The following CLCA1 variants were observed in gnomAD, a reference collection of about 807,000 sequenced individuals.
CLCA1 encodes the protein calcium-activated chloride channel regulator 1.
Under a neutral mutation model 85.6 loss-of-function variants are expected in CLCA1, and 59 were observed. The ratio of observed to expected loss-of-function variants is 0.69; its 90% CI spans 0.56 to 0.86. The LOEUF is 0.86. CLCA1 is among the 40% of genes least tolerant of loss of function. CLCA1 has a pLI of 0.00. For missense variants in CLCA1, 1,022 were observed against 1,101.4 expected (o/e 0.93, Z 1.02); for synonymous variants, 396 against 398.3 (o/e 0.99, Z 0.07).
Position 86,485,558 on chromosome 1 carries a change from G to C in CLCA1, c.951G>C (p.Met317Ile), listed in dbSNP as rs375816012. The C allele has an allele frequency of 1.9e-6, 3 of 1,613,896 alleles. No homozygotes were observed. Among genetic ancestry groups the C allele is most frequent in the Non-Finnish European group, 2.5e-6 (3 of 1,179,808 alleles). The change falls in exon 6 of 14, where the codon ATG (methionine) becomes ATC (isoleucine). Residue 317 changes from methionine to isoleucine, a missense_variant. Physicochemically the swap from Met to Ile is conservative, Grantham distance 10. Transcript: ENST00000394711. ...VCLVLDKSGS[M>I]ATGNRLNRLN... ...TAGTCCTTGACAAATCTGGAAGCAT[G>C]GCGGTATGTTCAATGAGTCTTGGTC... is the stretch of plus-strand genomic sequence containing the variant.
At chr1:86,491,406 C>A in intron 9 of CLCA1, 35 bp downstream of exon 9, 2 of 1,415,292 alleles carry the variant, frequency 1.4e-6, no homozygotes, top group Non-Finnish European at 2.0e-6. Flanking sequence ...TTCATATTTA[C>A]ACATAATCAT....
Position 86,500,099 on chromosome 1 carries a change from A to G in CLCA1, c.*54A>G. 1 of 1,298,354 alleles carries G rather than the reference A, an allele frequency of 7.7e-7. No individual in the cohort carries two copies. The highest frequency in any genetic ancestry group is 1.1e-6 in the Non-Finnish European group (1 of 934,934). 80.4% of individuals were successfully genotyped at this position (1,298,354 alleles called of 1,614,324 possible). ...AAATCATTCATCCTTTTTTTTGATT[A>G]TAAAATTTTCTAAAATGTATTTTAG... On this transcript the variant is annotated 3_prime_UTR_variant, in exon 14 of 14. Transcript: ENST00000394711.
chr1:86,476,524 C>T lies in CLCA1; in HGVS notation c.528C>T (p.Tyr176=), dbSNP rs1275343206. The T allele has an allele frequency of 1.3e-6, 2 of 1,588,798 alleles. No individual in the cohort carries two copies. The highest frequency in any genetic ancestry group is 1.7e-6 in the Non-Finnish European group (2 of 1,157,220). The change falls in exon 4 of 14, where the codon TAC becomes TAT. Residue 176 remains tyrosine (Y), a synonymous_variant. Coordinates refer to ENST00000394711, the MANE Select transcript of CLCA1 (RefSeq NM_001285.4). ...AGTACAATAATGATGAGAAATTCTACTTATCCAATGGAAGAATACAAGCAG... is the reference window on the plus strand; with the variant it reads ...AGTACAATAATGATGAGAAATTCTATTTATCCAATGGAAGAATACAAGCAG... ...FDEYNNDEKF[Y]LSNGRIQAVR... is the part of the protein sequence containing the mutation.
In CLCA1 at chr1:86,494,363, C is replaced by T. The variant is rs749968134; in HGVS notation, c.1857C>T (p.Ser619=). 6 of 1,614,078 alleles carry T rather than the reference C, an allele frequency of 3.7e-6. No homozygotes were observed. Among genetic ancestry groups the T allele is most frequent in the Non-Finnish European group, 5.1e-6 (6 of 1,180,040 alleles). The change falls in exon 11 of 14, where the codon TCC becomes TCT. Residue 619 remains serine (S), a synonymous_variant. Coordinates refer to ENST00000394711, the MANE Select transcript of CLCA1 (RefSeq NM_001285.4). ...ATGCAAATATTCGCCAAGGAGCCTC[C>T]CCAATTCTCAGGGCCAGTGTCACAG... ...VVYANIRQGA[S]PILRASVTAL...
chr1:86,474,485 C>T (rs1647591139), intron 3 of CLCA1, among the ~76,000 whole-genome samples: 1 of 148,512 alleles, frequency 6.7e-6, no homozygotes, highest in African/African-American at 2.5e-5. Context: ...ACCCGGGAGG[C>T]GGAGGTTGTA....
At chr1:86,497,595 C>T (rs1648327193) in intron 12 of CLCA1, among the ~76,000 whole-genome samples, 1 of 152,132 alleles carries the variant, frequency 6.6e-6, no homozygotes, top group African/African-American at 2.4e-5. Context: ...GATTCCCATG[C>T]ATTCACTGAG....
intron 1 of CLCA1, among the ~76,000 whole-genome samples, chr1:86,469,529 A>G (rs368362294): frequency 9.2e-5 from 14 of 152,236 alleles, no homozygotes; most frequent in African/African-American, 3.1e-4. Context: ...TATTCTCCTA[A>G]TAGGAACCCC....
intron 10 of CLCA1, among the ~76,000 whole-genome samples, 174 bp downstream of exon 10, chr1:86,493,773 C>G (rs567344859): frequency 1.3e-5 from 2 of 152,156 alleles, no homozygotes; most frequent in East Asian, 3.9e-4. Flanking sequence ...AGTATGTCAG[C>G]AAGTAAAGAC....
intron 4 of CLCA1, among the ~76,000 whole-genome samples, chr1:86,479,250 G>T (rs1647755216): frequency 6.6e-6 from 1 of 152,030 alleles, no homozygotes; most frequent in Non-Finnish European, 1.5e-5. Flanking sequence ...AAATATAATA[G>T]AACAATACTT....
rs375519423 is a variant in CLCA1, at chr1:86,468,927, A to G, written c.-45A>G. The G allele has an allele frequency of 3.3e-4, 503 of 1,528,778 alleles. 1 individual carries two copies. The highest frequency in any genetic ancestry group is 9.2e-4 in the South Asian group (74 of 80,828). The allele number at this position is 1,528,778 out of a possible 1,614,324, so 94.7% of individuals were successfully genotyped here. On this transcript the variant is annotated 5_prime_UTR_variant, in exon 1 of 14. Coordinates refer to ENST00000394711, the MANE Select transcript of CLCA1 (RefSeq NM_001285.4). ...TAATGGTAAAGAAAGACACCTTCGT[A>G]ACCCGCATTTTCCAAAGAGAGAAAT... is the stretch of plus-strand genomic sequence containing the variant.
chr1:86,498,488 G>A (rs1648359474), intron 12 of CLCA1, 84 bp from the exon 13 acceptor site: 3 of 1,366,238 alleles, frequency 2.2e-6, no homozygotes, highest in Non-Finnish European at 3.1e-6. Context: ...GGAACAGGAA[G>A]AGGGTGATCT....
intron 9 of CLCA1, 107 bp from the exon 10 acceptor site, chr1:86,493,277 T>C: frequency 1.3e-6 from 1 of 778,064 alleles, no homozygotes; most frequent in African/African-American, 1.7e-5. Flanking sequence ...GATTCAGGCA[T>C]CACTGAAGTC....
At chr1:86,484,761 G>A (rs774968294) in intron 5 of CLCA1, among the ~76,000 whole-genome samples, 7 of 152,240 alleles carry the variant, frequency 4.6e-5, no homozygotes, top group South Asian at 2.1e-4. Context: ...GAAAAGGTAG[G>A]AAAACTTCCA....
At chr1:86,479,046 A>G (rs939787523) in intron 4 of CLCA1, among the ~76,000 whole-genome samples, 2 of 152,236 alleles carry the variant, frequency 1.3e-5, no homozygotes, top group Non-Finnish European at 2.9e-5. Flanking sequence ...ATTGTGGCCA[A>G]TGTAATAAAA....
chr1:86,486,797 AT>A (rs1328596776), intron 7 of CLCA1, 44 bp downstream of exon 7: 3 of 1,560,892 alleles, frequency 1.9e-6, no homozygotes, highest in Non-Finnish European at 8.8e-7. Context: ...TTTGCAATTT[AT>A]GTTGCTTAAC....
Position 86,493,596 on chromosome 1 carries a change from T to C in CLCA1, c.1677T>C (p.Ala559=). The C allele has an allele frequency of 6.2e-7, 1 of 1,611,170 alleles. No individual in the cohort carries two copies. The highest frequency in any genetic ancestry group is 8.5e-7 in the Non-Finnish European group (1 of 1,177,322). Residue 559 remains alanine (A), a synonymous_variant, in exon 10 of 14, where the codon GCT becomes GCC. Transcript: ENST00000394711. ...KMAYLQIPGI[A]KVGTWKYSLQ... is the part of the protein sequence containing the mutation. Reference sequence around the variant, plus strand: ...CCTACCTCCAAATCCCAGGCATTGCTAAGGTATGGAGTCAGCTTTTTTTCT... The same window carrying C: ...CCTACCTCCAAATCCCAGGCATTGCCAAGGTATGGAGTCAGCTTTTTTTCT...
chr1:86,470,590 T>C (rs1470427674), intron 1 of CLCA1, among the ~76,000 whole-genome samples: 1 of 152,220 alleles, frequency 6.6e-6, no homozygotes, highest in African/African-American at 2.4e-5. Flanking sequence ...GAGGTTTTCC[T>C]CCCGAGATAC....
chr1:86,484,834 G>A lies in CLCA1; in HGVS notation c.736-509G>A, dbSNP rs1033304998. Among the ~76,000 whole-genome samples, 3 of 125,574 alleles carry A rather than the reference G, an allele frequency of 2.4e-5. No individual in the cohort carries two copies. The South Asian group carries it at 8.7e-4, about 36-fold the overall frequency. The allele number at this position is 125,574 out of a possible 152,430, so 82.4% of individuals were successfully genotyped here. On this transcript the variant is annotated intron_variant, in intron 5 of 13. Transcript: ENST00000394711. ...ATCAAGTTAGGAAATACCTGAGGAG[G>A]AGGAGCAGATGGGAGAAAAGTGATA...
intron 9 of CLCA1, 113 bp downstream of exon 9, chr1:86,491,484 G>GA (rs1311916910): frequency 2.2e-5 from 14 of 627,674 alleles, no homozygotes; most frequent in Middle Eastern, 4.0e-4. Context: ...GAATTAAAAT[G>GA]AAAATAGAAG....
Sources: gnomAD v4.1 joint callset for allele counts (sites outside exome capture counted in the v4.1 genomes callset) on GRCh38, gnomAD v4.1.1 for gene constraint, MANE v1.5 for transcripts, NCBI Gene and HGNC (gene_info 2026-07-23, HGNC 2026-07-21) for gene names.